The following NR6A1 variants were observed in gnomAD, a reference collection of about 807,000 sequenced individuals.
The protein encoded by NR6A1 is retinoic acid receptor-related testis-associated receptor.
In NR6A1, 7 loss-of-function variants were observed where a neutral mutation model predicts 59.1. The ratio of observed to expected loss-of-function variants is 0.12; its 90% confidence interval spans 0.07 to 0.22. The LOEUF (loss-of-function observed/expected upper bound fraction) is 0.22. NR6A1 is among the 10% of genes least tolerant of loss of function. The pLI, the probability that NR6A1 is intolerant of heterozygous loss-of-function variation, is 1.00. For missense variants in NR6A1, 468 were observed against 611.6 expected (o/e 0.77, Z 2.48); for synonymous variants, 243 against 236.1 (o/e 1.03, Z -0.27).
At position 124,616,283 on chromosome 9, in the gene NR6A1, T is replaced by A. The variant is rs201155684; in HGVS notation, c.143-61713A>T. 1.4e-3 allele frequency among the ~76,000 whole-genome samples: 208 copies of A among 149,776 alleles called. 3 individuals carry two copies. The East Asian group carries it at 0.035, about 25-fold the overall frequency. ...CAGGCATGGTGGCGCATGCCTGTAA[T>A]CCCAAGCTACTCCACTGGCTGAAGC... is the stretch of plus-strand genomic sequence containing the variant. On this transcript the variant is annotated intron_variant, in intron 2 of 9. Coordinates refer to ENST00000487099, the MANE Select transcript of NR6A1 (RefSeq NM_033334.4).
intron 2 of NR6A1, among the ~76,000 whole-genome samples, chr9:124,712,914 C>T (rs1207108492): frequency 6.6e-6 from 1 of 151,992 alleles, no homozygotes; most frequent in African/African-American, 2.4e-5. Flanking sequence ...AAAACAACAC[C>T]ACTCATGATA....
At chr9:124,620,535 T>A (rs541905676) in intron 2 of NR6A1, among the ~76,000 whole-genome samples, 1 of 152,244 alleles carries the variant, frequency 6.6e-6, no homozygotes, top group East Asian at 1.9e-4. Context: ...ACGGACAAAC[T>A]TCAAAACCAC....
intron 2 of NR6A1, among the ~76,000 whole-genome samples, chr9:124,568,317 C>G (rs1834336197): frequency 6.6e-6 from 1 of 151,684 alleles, no homozygotes; most frequent in African/African-American, 2.4e-5. Flanking sequence ...GAAACCCCGT[C>G]TCTACTAAAA....
At chr9:124,621,783 A>G (rs962257677) in intron 2 of NR6A1, among the ~76,000 whole-genome samples, 1 of 152,220 alleles carries the variant, frequency 6.6e-6, no homozygotes, top group Non-Finnish European at 1.5e-5. Context: ...GAAAAACTGA[A>G]GAGAAATGAC....
intron 2 of NR6A1, among the ~76,000 whole-genome samples, chr9:124,630,975 A>G (rs1413439694): frequency 6.6e-6 from 1 of 152,034 alleles, no homozygotes; most frequent in East Asian, 1.9e-4. Flanking sequence ...GCCGGGCCCT[A>G]CATTTCTTGA....
chr9:124,531,323 G>A (rs1208831453), intron 7 of NR6A1, among the ~76,000 whole-genome samples: 3 of 152,232 alleles, frequency 2.0e-5, no homozygotes, highest in African/African-American at 7.2e-5. Context: ...AAATTCACCC[G>A]GTTCACTGTC....
At chr9:124,608,862 T>C (rs1194912959) in intron 2 of NR6A1, among the ~76,000 whole-genome samples, 1 of 152,226 alleles carries the variant, frequency 6.6e-6, no homozygotes, top group Non-Finnish European at 1.5e-5. Flanking sequence ...GGTATCTCAT[T>C]ATGGATTTGA....
chr9:124,762,470 T>C (rs1223270315), intron 1 of NR6A1, among the ~76,000 whole-genome samples: 1 of 152,180 alleles, frequency 6.6e-6, no homozygotes, highest in Admixed American at 6.5e-5. Flanking sequence ...GATTTTTTGT[T>C]GTTGTTGAAG....
At chr9:124,643,486 G>A (rs1836829043) in intron 2 of NR6A1, among the ~76,000 whole-genome samples, 2 of 151,918 alleles carry the variant, frequency 1.3e-5, no homozygotes, top group Non-Finnish European at 2.9e-5. Flanking sequence ...TGTAGTCCCA[G>A]GTACTCGGGA....
chr9:124,654,077 T>C (rs1402382027), intron 2 of NR6A1, among the ~76,000 whole-genome samples: 1 of 152,180 alleles, frequency 6.6e-6, no homozygotes, highest in Non-Finnish European at 1.5e-5. Flanking sequence ...ACCCTCTCTG[T>C]TGTGGAAAGG....
chr9:124,642,111 C>T lies in NR6A1; in HGVS notation c.143-87541G>A, dbSNP rs150877375. On this transcript the variant is annotated intron_variant, in intron 2 of 9. Transcript: ENST00000487099. ...TCACCTAGGCCGGACTGCAGTGGCGCGATCTCAGCTCACTGCAACCTCTGC... is the reference window on the plus strand; with the variant it reads ...TCACCTAGGCCGGACTGCAGTGGCGTGATCTCAGCTCACTGCAACCTCTGC... Among the ~76,000 whole-genome samples, 205 of 152,166 alleles carry T rather than the reference C, an allele frequency of 1.3e-3. 2 individuals carry two copies. Among genetic ancestry groups the T allele is most frequent in the African/African-American group, 4.2e-3 (176 of 41,496 alleles).
intron 2 of NR6A1, among the ~76,000 whole-genome samples, chr9:124,665,148 T>TACA (rs1837573291): frequency 6.7e-6 from 1 of 148,360 alleles, no homozygotes; most frequent in Non-Finnish European, 1.5e-5. Flanking sequence ...TTCACCCCAC[T>TACA]GCACTACAGC....
At chr9:124,596,345 T>C (rs1454805110) in intron 2 of NR6A1, among the ~76,000 whole-genome samples, 1 of 152,126 alleles carries the variant, frequency 6.6e-6, no homozygotes, top group Non-Finnish European at 1.5e-5. Flanking sequence ...GATTCCCTGT[T>C]TTCTGTCATT....
chr9:124,605,617 C>T (rs1322285624), intron 2 of NR6A1, among the ~76,000 whole-genome samples: 1 of 152,088 alleles, frequency 6.6e-6, no homozygotes, highest in Non-Finnish European at 1.5e-5. Flanking sequence ...AATAAACAAA[C>T]AAACCCCACA....
intron 2 of NR6A1, among the ~76,000 whole-genome samples, chr9:124,625,928 G>A (rs997526571): frequency 1.3e-5 from 2 of 152,220 alleles, no homozygotes; most frequent in African/African-American, 4.8e-5. Context: ...TGTCTGGCCT[G>A]CAGACCTTCA....
chr9:124,705,796 GAC>G (rs1839113858), intron 2 of NR6A1, among the ~76,000 whole-genome samples: 1 of 119,598 alleles, frequency 8.4e-6, no homozygotes, highest in East Asian at 2.3e-4. Context: ...TTTTTTTTTT[GAC>G]AGAGTCTCAC....
At chr9:124,683,148 G>C (rs1309678169) in intron 2 of NR6A1, among the ~76,000 whole-genome samples, 1 of 152,062 alleles carries the variant, frequency 6.6e-6, no homozygotes. Context: ...GCTGCAGTGA[G>C]CTGGGATCAC....
At chr9:124,538,006 CG>C (rs1833323335) in intron 6 of NR6A1, 85 bp downstream of exon 6, 1 of 1,092,276 alleles carries the variant, frequency 9.2e-7, no homozygotes, top group Non-Finnish European at 1.3e-6. Flanking sequence ...TCTGAAGCCA[CG>C]GGTATAGGAG....
At chr9:124,568,371 A>T (rs1452747277) in intron 2 of NR6A1, among the ~76,000 whole-genome samples, 1 of 151,350 alleles carries the variant, frequency 6.6e-6, no homozygotes, top group Non-Finnish European at 1.5e-5. Flanking sequence ...CTGTAATCCC[A>T]GGTAGTTGGG....
Sources: gnomAD v4.1 joint callset for allele counts (sites outside exome capture counted in the v4.1 genomes callset) on GRCh38, gnomAD v4.1.1 for gene constraint, MANE v1.5 for transcripts, NCBI Gene and HGNC (gene_info 2026-07-23, HGNC 2026-07-21) for gene names.